DNMBP: variants seen among roughly 807,000 people sequenced by gnomAD.
DNMBP encodes the protein dynamin binding protein.
In DNMBP, 87 loss-of-function variants were observed where a neutral mutation model predicts 150.0. That is an observed-to-expected ratio of 0.58 (90% CI 0.49 to 0.69). DNMBP has a LOEUF of 0.69. Ranked by LOEUF, DNMBP falls within the 30% of genes least tolerant of loss-of-function variation. The probability of loss-of-function intolerance (pLI) is 0.00; values close to 1 mark genes in which losing one functional copy is unlikely to be tolerated. For synonymous variants in DNMBP, 711 were observed against 750.4 expected (o/e 0.95, Z 0.86); for missense variants, 1,774 against 1,949.0 (o/e 0.91, Z 1.69).
intron 4 of DNMBP, 96 bp downstream of exon 4, chr10:99,955,118 C>A: frequency 3.0e-6 from 3 of 1,016,002 alleles, no homozygotes; most frequent in Non-Finnish European, 4.4e-6. Context: ...TTTTGTCCAT[C>A]GAGGATGGTA....
chr10:99,983,515 A>G (rs2040799437), intron 1 of DNMBP, among the ~76,000 whole-genome samples: 1 of 152,230 alleles, frequency 6.6e-6, no homozygotes, highest in Non-Finnish European at 1.5e-5. Context: ...CAGGTTCCTC[A>G]GAGATTCTTC....
chr10:99,877,111 A>G lies in DNMBP; in HGVS notation c.*40T>C, dbSNP rs143739112. 2.6e-6 allele frequency: 4 copies of G among 1,568,198 alleles called. No individual in the cohort carries two copies. The highest frequency in any genetic ancestry group is 3.5e-6 in the Non-Finnish European group (4 of 1,156,494). On this transcript the variant is annotated 3_prime_UTR_variant, in exon 17 of 17. Coordinates refer to ENST00000324109, the MANE Select transcript of DNMBP (RefSeq NM_015221.4). ...GGCCGCCAGAACCCTCGGCGGACTG[A>G]AAGCAAAGGCAGCAAGGCTGGGTGG...
chr10:99,905,355 A>T (rs1274929410), intron 6 of DNMBP, among the ~76,000 whole-genome samples: 1 of 152,240 alleles, frequency 6.6e-6, no homozygotes, highest in Non-Finnish European at 1.5e-5. Flanking sequence ...GAAAGACTTG[A>T]GTTTGAATGC....
intron 1 of DNMBP, among the ~76,000 whole-genome samples, chr10:100,007,319 G>A (rs1436455659): frequency 6.6e-6 from 1 of 152,066 alleles, no homozygotes; most frequent in East Asian, 1.9e-4. Flanking sequence ...TTCCACGAGG[G>A]CTTAGTCTGT....
chr10:99,958,454 G>GA (rs1476037943), intron 3 of DNMBP: 2 of 152,206 alleles, frequency 1.3e-5, no homozygotes, highest in African/African-American at 4.8e-5. Flanking sequence ...TTATGTGCAA[G>GA]AATGAATAAC....
chr10:99,987,316 C>A (rs2040838927), intron 1 of DNMBP, among the ~76,000 whole-genome samples: 1 of 152,072 alleles, frequency 6.6e-6, no homozygotes, highest in African/African-American at 2.4e-5. Flanking sequence ...GCCTGGGCAA[C>A]ATAGTGAGAT....
chr10:99,887,787 G>A (rs2039493441), intron 12 of DNMBP, among the ~76,000 whole-genome samples: 1 of 152,182 alleles, frequency 6.6e-6, no homozygotes, highest in South Asian at 2.1e-4. Flanking sequence ...CCATATATAT[G>A]GATTTAGAAT....
chr10:100,000,759 G>A (rs1444067167), intron 1 of DNMBP, among the ~76,000 whole-genome samples: 2 of 146,674 alleles, frequency 1.4e-5, no homozygotes, highest in African/African-American at 5.0e-5. Flanking sequence ...CTTGGGTTAT[G>A]AACAGGGAAC....
At chr10:99,983,617 T>C (rs1268053375) in intron 1 of DNMBP, among the ~76,000 whole-genome samples, 1 of 152,184 alleles carries the variant, frequency 6.6e-6, no homozygotes, top group Non-Finnish European at 1.5e-5. Flanking sequence ...CCATCTGCTC[T>C]TCAACAGCGG....
chr10:99,900,150 G>A lies in DNMBP; in HGVS notation c.2555-84C>T, dbSNP rs1023737665. On this transcript the variant is annotated intron_variant, in intron 6 of 16. Transcript: ENST00000324109. The stretch of plus-strand genomic sequence containing the variant: ...ATGTAAGGTACACAGCCAAACTTTA[G>A]TACCAGCTAAATCCTACCTATTACA... The A allele has an allele frequency of 5.0e-6, 7 of 1,410,198 alleles. No individual in the cohort carries two copies. The Admixed American group carries it at 1.3e-4, about 26-fold the overall frequency. 87.4% of individuals were successfully genotyped at this position (1,410,198 alleles called of 1,614,324 possible).
intron 1 of DNMBP, among the ~76,000 whole-genome samples, chr10:100,001,471 G>A (rs2041012443): frequency 7.0e-6 from 1 of 143,472 alleles, no homozygotes; most frequent in Non-Finnish European, 1.5e-5. Flanking sequence ...GAGTGCAGTG[G>A]TGCAAGCACA....
intron 1 of DNMBP, 121 bp downstream of exon 1, chr10:100,009,716 AG>A (rs1021978168): frequency 2.0e-4 from 30 of 151,274 alleles, no homozygotes; most frequent in African/African-American, 7.0e-4. Flanking sequence ...ATACAGGCCT[AG>A]CCGCGCGGCG....
chr10:99,951,861 G>T (rs182354287), intron 4 of DNMBP, among the ~76,000 whole-genome samples: 5 of 152,192 alleles, frequency 3.3e-5, no homozygotes, highest in Non-Finnish European at 7.3e-5. Context: ...GACTTTGGGG[G>T]ACTGTTGGGA....
rs748167400 is a variant in DNMBP at position 99,972,144 on chromosome 10, T to C, written c.-10-10A>G. The C allele has an allele frequency of 1.7e-5, 28 of 1,602,854 alleles. No homozygotes were observed. Among genetic ancestry groups the C allele is most frequent in the East Asian group, 8.9e-5 (4 of 44,818 alleles). ...CTCCATGTTTTATAACCTGGAAAGA[T>C]AGATCAAGAGAAATAGAAAACATCA... On this transcript the variant is annotated splice_polypyrimidine_tract_variant and intron_variant, in intron 1 of 16. Transcript: ENST00000324109.
Position 99,877,275 on chromosome 10 carries a change from T to C in DNMBP, c.4610A>G (p.Asn1537Ser), listed in dbSNP as rs567372526. 1.5e-5 allele frequency: 24 copies of C among 1,614,058 alleles called. No homozygotes were observed. In the African/African-American group the frequency reaches 2.0e-4, roughly 13 times the overall value. Residue 1537 changes from asparagine (N) to serine (S), a missense_variant, in exon 17 of 17, where the codon AAT (asparagine) becomes AGT (serine). This residue lies in a region of DNMBP where 1,430 missense variants were observed against 1,492.5 expected (regional missense o/e 0.96). Coordinates refer to ENST00000324109, the MANE Select transcript of DNMBP (RefSeq NM_015221.4). Reference sequence around the variant, plus strand: ...AAACTCGAGGATCTTGAGTTTCTGATTGGCTGACACGCTCAGCTCATTTGG... The same window carrying C: ...AAACTCGAGGATCTTGAGTTTCTGACTGGCTGACACGCTCAGCTCATTTGG... The part of the protein sequence containing the change: ...RNPNELSVSA[N>S]QKLKILEFKD...
chr10:99,988,684 C>T (rs188433766), intron 1 of DNMBP, among the ~76,000 whole-genome samples: 227 of 152,016 alleles, frequency 1.5e-3, no homozygotes, highest in Non-Finnish European at 2.8e-3. Flanking sequence ...TTATTTGAGA[C>T]GGAGTCTTGC....
intron 1 of DNMBP, among the ~76,000 whole-genome samples, chr10:99,980,593 A>C (rs531002996): frequency 6.6e-6 from 1 of 152,122 alleles, no homozygotes; most frequent in African/African-American, 2.4e-5. Flanking sequence ...GGATCACTTG[A>C]GCCCAGAAGG....
At chr10:99,878,501 C>T (rs564719431) in intron 16 of DNMBP, among the ~76,000 whole-genome samples, 4 of 152,254 alleles carry the variant, frequency 2.6e-5, no homozygotes, top group Non-Finnish European at 4.4e-5. Context: ...ATGTTTGACC[C>T]GGGAAGTAGG....
At chr10:99,893,237 T>G (rs942741012) in intron 11 of DNMBP, among the ~76,000 whole-genome samples, 1 of 152,206 alleles carries the variant, frequency 6.6e-6, no homozygotes, top group South Asian at 2.1e-4. Context: ...TTGTCAAAAT[T>G]TATACTGCCA....
Sources: allele counts gnomAD v4.1 joint callset (sites outside exome capture counted in the v4.1 genomes callset), GRCh38; gene constraint gnomAD v4.1.1; regional missense constraint gnomAD v4.1.1; transcripts MANE v1.5; gene names NCBI Gene and HGNC (gene_info 2026-07-23, HGNC 2026-07-21).